The following BMPR1B variants were observed in gnomAD, a reference collection of about 807,000 sequenced individuals.
The protein encoded by BMPR1B is bone morphogenetic protein receptor type-1B.
BMPR1B carries 12 observed loss-of-function variants against 59.1 expected under a neutral mutation model. The observed-to-expected ratio is 0.20, with a 90% CI of 0.13 to 0.33. The LOEUF is 0.33. Among genes scored for constraint, BMPR1B ranks in the 10% least tolerant of loss-of-function variants. The pLI is 1.00. For synonymous variants in BMPR1B, 237 were observed against 207.3 expected, an observed-to-expected ratio of 1.14 and a Z score of -1.23; for missense variants, 550 against 610.9, an observed-to-expected ratio of 0.90 and a Z score of 1.05.
At chr4:95,019,190 A>G (rs1372577754) in intron 3 of BMPR1B, among the ~76,000 whole-genome samples, 1 of 152,206 alleles carries the variant, frequency 6.6e-6, no homozygotes, top group Non-Finnish European at 1.5e-5. Flanking sequence ...AACTAGACAA[A>G]TATAACTTTA....
chr4:94,795,428 T>G (rs982273061), intron 1 of BMPR1B, among the ~76,000 whole-genome samples: 1 of 138,226 alleles, frequency 7.2e-6, no homozygotes, highest in African/African-American at 2.9e-5. Context: ...AAACTTCTTA[T>G]TGAAACATTT....
chr4:94,938,461 C>G (rs1037636470), intron 2 of BMPR1B, among the ~76,000 whole-genome samples: 29 of 151,518 alleles, frequency 1.9e-4, no homozygotes, highest in African/African-American at 6.3e-4. Context: ...TACCACTGCA[C>G]TCCCCACTGG....
chr4:94,909,153 C>A (rs1423750329), intron 2 of BMPR1B, among the ~76,000 whole-genome samples: 11 of 152,008 alleles, frequency 7.2e-5, no homozygotes, highest in Admixed American at 7.2e-4. Flanking sequence ...TTAAGGACAG[C>A]AGTCATTGAA....
At chr4:94,784,870 C>T (rs1018996946) in intron 1 of BMPR1B, among the ~76,000 whole-genome samples, 2 of 152,180 alleles carry the variant, frequency 1.3e-5, no homozygotes, top group South Asian at 2.1e-4. Flanking sequence ...ATCTTAGCCT[C>T]CTCTTTGGTA....
chr4:94,908,061 TAAAAAAAAAA>T lies in BMPR1B; in HGVS notation c.-113+32181_-113+32190del, dbSNP rs571793477. ...GGGCAATGCAGTGAGACCCTGTCTTTAAAAAAAAAAAAAAAAAAAAAAAAAAAAAGAAAAA... is the reference window on the plus strand; with the variant it reads ...GGGCAATGCAGTGAGACCCTGTCTTTAAAAAAAAAAAAAAAAAAAGAAAAA... On this transcript the variant is annotated intron_variant, in intron 2 of 12. Transcript: ENST00000515059. Among the ~76,000 whole-genome samples the T allele has an allele frequency of 1.3e-4, 6 of 46,258 alleles. No individual in the cohort carries two copies. In the South Asian group the frequency reaches 3.7e-3, roughly 29 times the overall value. The allele number at this position is 46,258 out of a possible 152,430, so 30.3% of individuals were successfully genotyped here.
Position 95,011,884 on chromosome 4 carries a change from T to G in BMPR1B, c.-18+15750T>G, listed in dbSNP as rs534530335. On this transcript the variant is annotated intron_variant, in intron 3 of 12. Coordinates refer to ENST00000515059, the MANE Select transcript of BMPR1B (RefSeq NM_001203.3). ...AAATACAAAAATTAGCTGGGCATGGTGGCACACACCTGTCTTCTGAACTAC... is the reference window on the plus strand; with the variant it reads ...AAATACAAAAATTAGCTGGGCATGGGGGCACACACCTGTCTTCTGAACTAC... Among the ~76,000 whole-genome samples the G allele has an allele frequency of 2.1e-4, 32 of 152,140 alleles. No homozygotes were observed. The South Asian group carries it at 5.4e-3, about 26-fold the overall frequency.
chr4:94,865,599 G>A (rs1039496977), intron 1 of BMPR1B, among the ~76,000 whole-genome samples: 13 of 151,852 alleles, frequency 8.6e-5, no homozygotes, highest in Admixed American at 3.9e-4. Context: ...CACTATATTG[G>A]CCAGGCTGGT....
At chr4:95,112,020 A>G (rs972470173) in intron 4 of BMPR1B, among the ~76,000 whole-genome samples, 1 of 152,014 alleles carries the variant, frequency 6.6e-6, no homozygotes, top group Non-Finnish European at 1.5e-5. Flanking sequence ...TGGTGACTGA[A>G]TATCTTGTGC....
At chr4:95,130,950 G>A (rs1006204234) in intron 9 of BMPR1B, among the ~76,000 whole-genome samples, 20 of 151,670 alleles carry the variant, frequency 1.3e-4, no homozygotes, top group African/African-American at 4.8e-4. Context: ...GAGTGGTCTT[G>A]AACTCCTGAC....
intron 3 of BMPR1B, among the ~76,000 whole-genome samples, chr4:95,039,141 TTAG>T (rs2149169088): frequency 6.6e-6 from 1 of 152,316 alleles, no homozygotes; most frequent in Non-Finnish European, 1.5e-5. Flanking sequence ...TCCATTTTTA[TTAG>T]TAGAGAATTG....
At chr4:95,129,217 C>A (rs564495162) in intron 8 of BMPR1B, among the ~76,000 whole-genome samples, 5 of 152,084 alleles carry the variant, frequency 3.3e-5, no homozygotes, top group Non-Finnish European at 7.4e-5. Flanking sequence ...AAATTTAGTA[C>A]CATTTGATGC....
At chr4:94,940,063 G>A (rs1361237281) in intron 2 of BMPR1B, among the ~76,000 whole-genome samples, 1 of 152,142 alleles carries the variant, frequency 6.6e-6, no homozygotes, top group South Asian at 2.1e-4. Context: ...ATGCATTTGG[G>A]AGGTATTATT....
intron 6 of BMPR1B, among the ~76,000 whole-genome samples, chr4:95,116,065 A>G (rs527778163): frequency 1.1e-4 from 16 of 152,296 alleles, no homozygotes; most frequent in African/African-American, 3.8e-4. Context: ...GGGTGGAGGC[A>G]GGAGCTAGCA....
intron 3 of BMPR1B, among the ~76,000 whole-genome samples, chr4:95,044,804 G>A (rs1241693994): frequency 6.6e-6 from 1 of 152,164 alleles, no homozygotes. Context: ...CTGAAAGAGG[G>A]CTGAAGTTGT....
chr4:95,143,653 G>A (rs553827774), intron 10 of BMPR1B, among the ~76,000 whole-genome samples: 34 of 152,290 alleles, frequency 2.2e-4, no homozygotes, highest in Middle Eastern at 3.4e-3. Flanking sequence ...TGTCATTCAA[G>A]TGACTTTGGT....
chr4:94,859,270 T>A (rs1032573609), intron 1 of BMPR1B, among the ~76,000 whole-genome samples: 7 of 152,118 alleles, frequency 4.6e-5, no homozygotes, highest in Non-Finnish European at 7.4e-5. Context: ...AATAATTTTT[T>A]AAAAAAAGAA....
intron 3 of BMPR1B, among the ~76,000 whole-genome samples, chr4:95,011,001 T>C (rs6532525): frequency 0.7 from 107,004 of 151,902 alleles, 39,413 homozygotes; most frequent in East Asian, 0.86. Context: ...TATTTCTCTC[T>C]TTTTTTGTGA....
intron 2 of BMPR1B, among the ~76,000 whole-genome samples, chr4:94,920,400 C>T (rs1560547545): frequency 6.6e-6 from 1 of 152,056 alleles, no homozygotes. Context: ...GTTTCTCAAC[C>T]TTTTCCAAAA....
intron 1 of BMPR1B, among the ~76,000 whole-genome samples, chr4:94,853,318 GA>G (rs1725632720): frequency 6.6e-6 from 1 of 152,114 alleles, no homozygotes; most frequent in Admixed American, 6.6e-5. Context: ...TTAATTTATT[GA>G]AATACTGTGT....
Sources: allele counts gnomAD v4.1 joint callset (sites outside exome capture counted in the v4.1 genomes callset), GRCh38; gene constraint gnomAD v4.1.1; transcripts MANE v1.5; gene names NCBI Gene and HGNC (gene_info 2026-07-23, HGNC 2026-07-21).